Variants in CSMD1 observed in about 807,000 individuals in gnomAD.
The protein encoded by CSMD1 is CUB and Sushi multiple domains 1.
CSMD1 carries 213 observed loss-of-function variants against 417.5 expected under a neutral mutation model. That is an observed-to-expected ratio of 0.51 (90% CI 0.46 to 0.57). The LOEUF (loss-of-function observed/expected upper bound fraction) is 0.57. CSMD1 is among the 20% of genes least tolerant of loss of function. CSMD1 has a pLI of 0.00. For missense variants in CSMD1, 6,923 were observed against 4,529.7 expected, an observed-to-expected ratio of 1.53 and a Z score of -15.17; for synonymous variants, 2,862 against 1,736.8, an observed-to-expected ratio of 1.65 and a Z score of -16.11.
chr8:4,460,336 T>A (rs1029553349), intron 2 of CSMD1, among the ~76,000 whole-genome samples: 2 of 152,034 alleles, frequency 1.3e-5, no homozygotes, highest in African/African-American at 4.8e-5. Context: ...AACTGAAGAA[T>A]TGCATAGAGG....
At chr8:3,357,488 T>C (rs1808870252) in intron 21 of CSMD1, among the ~76,000 whole-genome samples, 1 of 152,234 alleles carries the variant, frequency 6.6e-6, no homozygotes, top group African/African-American at 2.4e-5. Flanking sequence ...ATAGTACCTA[T>C]TCTTCCAACT....
intron 5 of CSMD1, among the ~76,000 whole-genome samples, chr8:3,993,468 GC>G (rs1217767528): frequency 6.6e-6 from 1 of 152,142 alleles, no homozygotes; most frequent in East Asian, 1.9e-4. Flanking sequence ...AATTCACTCA[GC>G]TTTCCCCATT....
intron 7 of CSMD1, among the ~76,000 whole-genome samples, chr8:3,659,115 G>T (rs868028674): frequency 1.5e-4 from 23 of 152,092 alleles, no homozygotes; most frequent in African/African-American, 5.3e-4. Context: ...AATTTACATA[G>T]ATAGCACATA....
At chr8:4,016,088 T>C (rs1481391392) in intron 4 of CSMD1, among the ~76,000 whole-genome samples, 4 of 152,110 alleles carry the variant, frequency 2.6e-5, no homozygotes, top group African/African-American at 9.7e-5. Context: ...CCCATTAATA[T>C]TTACCAGGAA....
At chr8:3,241,058 G>T (rs1203495403) in intron 26 of CSMD1, among the ~76,000 whole-genome samples, 1 of 148,708 alleles carries the variant, frequency 6.7e-6, no homozygotes, top group South Asian at 2.2e-4. Context: ...CATACTTGTG[G>T]GTTAAGGTGA....
At chr8:4,071,080 T>G (rs1799530541) in intron 3 of CSMD1, among the ~76,000 whole-genome samples, 1 of 152,186 alleles carries the variant, frequency 6.6e-6, no homozygotes, top group Non-Finnish European at 1.5e-5. Context: ...ATGGTTTCTT[T>G]GCAGTTATCT....
intron 11 of CSMD1, among the ~76,000 whole-genome samples, chr8:3,489,419 G>C (rs1210798540): frequency 2.0e-5 from 3 of 152,134 alleles, no homozygotes; most frequent in African/African-American, 7.2e-5. Context: ...CTGAATTAAT[G>C]AAATCCCCTG....
chr8:3,962,859 A>T (rs1374123788), intron 5 of CSMD1, among the ~76,000 whole-genome samples: 1 of 152,166 alleles, frequency 6.6e-6, no homozygotes, highest in African/African-American at 2.4e-5. Flanking sequence ...CATGATTTCT[A>T]TTATTCAAGC....
chr8:4,742,192 G>T (rs942103887), intron 1 of CSMD1, among the ~76,000 whole-genome samples: 1 of 150,668 alleles, frequency 6.6e-6, no homozygotes, highest in African/African-American at 2.4e-5. Flanking sequence ...CACCACGCCC[G>T]GCTAATTTTT....
intron 5 of CSMD1, among the ~76,000 whole-genome samples, chr8:3,787,094 A>T (rs2720876): frequency 3.5e-4 from 54 of 152,248 alleles, no homozygotes; most frequent in South Asian, 2.7e-3. Flanking sequence ...GGTTAAACCA[A>T]GCTTTATGGT....
chr8:4,596,135 A>G (rs756549366), intron 2 of CSMD1, among the ~76,000 whole-genome samples: 5 of 152,146 alleles, frequency 3.3e-5, no homozygotes, highest in Non-Finnish European at 4.4e-5. Flanking sequence ...CCAGTATCTA[A>G]AAAACTTGCT....
At chr8:3,767,561 T>A (rs1798346176) in intron 5 of CSMD1, among the ~76,000 whole-genome samples, 1 of 152,226 alleles carries the variant, frequency 6.6e-6, no homozygotes, top group South Asian at 2.1e-4. Context: ...CAAAGCTGAT[T>A]GCTGACCTTA....
intron 1 of CSMD1, among the ~76,000 whole-genome samples, chr8:4,835,867 T>C (rs1800446632): frequency 6.6e-6 from 1 of 151,982 alleles, no homozygotes; most frequent in Non-Finnish European, 1.5e-5. Flanking sequence ...CACTAAGTGT[T>C]GGTTGATTTA....
At chr8:3,734,674 G>A (rs964413302) in intron 6 of CSMD1, among the ~76,000 whole-genome samples, 2 of 152,192 alleles carry the variant, frequency 1.3e-5, no homozygotes, top group African/African-American at 2.4e-5. Context: ...CTACGCCACT[G>A]CACTCCAGCA....
intron 7 of CSMD1, among the ~76,000 whole-genome samples, chr8:3,662,049 A>C (rs911540272): frequency 1.4e-4 from 21 of 152,174 alleles, no homozygotes; most frequent in Admixed American, 6.6e-4. Flanking sequence ...AGAAAACATG[A>C]AAGGCAACTG....
At chr8:3,645,577 G>C (rs1309380986) in intron 7 of CSMD1, among the ~76,000 whole-genome samples, 2 of 152,128 alleles carry the variant, frequency 1.3e-5, no homozygotes, top group Admixed American at 1.3e-4. Context: ...TCTTCTGCAA[G>C]GGATCATGGG....
chr8:3,159,006 T>C (rs934157300), intron 38 of CSMD1, among the ~76,000 whole-genome samples: 2 of 152,202 alleles, frequency 1.3e-5, no homozygotes, highest in Non-Finnish European at 2.9e-5. Context: ...TCATACCTCT[T>C]GATATTTTTA....
intron 1 of CSMD1, among the ~76,000 whole-genome samples, chr8:4,993,299 C>T (rs574924993): frequency 6.7e-6 from 1 of 149,008 alleles, no homozygotes; most frequent in South Asian, 2.1e-4. Flanking sequence ...TATGGAAGTG[C>T]TGACTGATAA....
At chr8:3,274,959 G>T (rs1393498386) in intron 26 of CSMD1, among the ~76,000 whole-genome samples, 4 of 152,128 alleles carry the variant, frequency 2.6e-5, no homozygotes, top group African/African-American at 4.8e-5. Context: ...GTGTGAATTT[G>T]ATCCTGTCAT....
Sources: allele counts gnomAD v4.1 joint callset (sites outside exome capture counted in the v4.1 genomes callset), GRCh38; gene constraint gnomAD v4.1.1; transcripts MANE v1.5; gene names NCBI Gene and HGNC (gene_info 2026-07-23, HGNC 2026-07-21).